Variants in SPIN2B observed in about 807,000 individuals in gnomAD.
The protein encoded by SPIN2B is spindlin family member 2B.
In SPIN2B, 1 loss-of-function variant was observed where a neutral mutation model predicts 9.3. The ratio of observed to expected loss-of-function variants is 0.11; its 90% CI spans 0.04 to 0.51. SPIN2B has a LOEUF of 0.51. Among genes scored for constraint, SPIN2B ranks in the 20% least tolerant of loss-of-function variants. The pLI is 0.94. For synonymous variants in SPIN2B, 15 were observed against 63.4 expected (o/e 0.24, Z 3.63); for missense variants, 32 against 174.0 (o/e 0.18, Z 4.59).
chrX:57,120,889 C>T (rs1927081331), intron 1 of SPIN2B, among the ~76,000 whole-genome samples: 1 of 108,461 alleles, frequency 9.2e-6, no homozygotes, highest in Non-Finnish European at 1.9e-5. Flanking sequence ...GCCACCTCCT[C>T]CTAGCTCAGA....
Position 57,119,955 on chromosome X carries a change from G to A in SPIN2B, c.675C>T (p.Ile225=), listed in dbSNP as rs757886936. ...EYTKEDGSKR[I]GMVIHQVEAK... The stretch of plus-strand genomic sequence containing the variant: ...CTTCCACTTGGTGAATGACCATGCC[G>A]ATCCTTTTGGAGCCATCTTCTTTGG... The change falls in exon 2 of 2, where the codon ATC becomes ATT. Residue 225 remains isoleucine (I), a synonymous_variant. Coordinates refer to ENST00000434397, the MANE Select transcript of SPIN2B (RefSeq NM_001006681.2). 2.5e-6 allele frequency: 3 copies of A among 1,209,150 alleles called. No homozygotes were observed. Among genetic ancestry groups the A allele is most frequent in the African/African-American group, 3.5e-5 (2 of 56,833 alleles).
In SPIN2B at chrX:57,121,233, C is replaced by T. The variant is rs1025088345; in HGVS notation, c.-3+5G>A. On this transcript the variant is annotated splice_donor_5th_base_variant and intron_variant, in intron 1 of 1. Transcript: ENST00000434397. ...CTCCATTCTGGCGCCCACTAATGGC[C>T]TTGCCCTGCCTGGCGTCCACCGCCG... The T allele has an allele frequency of 2.7e-4, 204 of 757,952 alleles. No homozygotes were observed. Among genetic ancestry groups the T allele is most frequent in the Non-Finnish European group, 2.7e-4 (173 of 641,889 alleles). The allele number at this position is 757,952 out of a possible 1,213,427, so 62.5% of individuals were successfully genotyped here. A position where few individuals can be genotyped will look rare whatever the true frequency, so the allele number is the denominator to read the frequency against.
At chrX:57,121,203 C>G (rs1164131072) in intron 1 of SPIN2B, 35 bp downstream of exon 1, 1 of 761,635 alleles carries the variant, frequency 1.3e-6, no homozygotes, top group Non-Finnish European at 1.6e-6. Flanking sequence ...CCTTCCCATC[C>G]CCCTCTCCAT....
rs1425907609 is a variant in SPIN2B at position 57,121,391 on chromosome X, TGAG to T, written c.-159_-157del. The stretch of plus-strand genomic sequence containing the variant: ...GAGCGGGGAGGGTAGGATCCGTAGA[TGAG>T]GAGCGTGTCTAGGAGGGCGGCGAGA... On this transcript the variant is annotated 5_prime_UTR_variant, in exon 1 of 2. Coordinates refer to ENST00000434397, the MANE Select transcript of SPIN2B (RefSeq NM_001006681.2). The T allele has an allele frequency of 4.8e-6, 3 of 625,907 alleles. No individual in the cohort carries two copies. The highest frequency in any genetic ancestry group is 5.7e-6 in the Non-Finnish European group (3 of 522,951). 51.6% of individuals were successfully genotyped at this position (625,907 alleles called of 1,213,427 possible).
At chrX:57,121,075 G>T in intron 1 of SPIN2B, 163 bp downstream of exon 1, 1 of 753,836 alleles carries the variant, frequency 1.3e-6, no homozygotes, top group Non-Finnish European at 1.6e-6. Context: ...GCTTCCCGGC[G>T]CTCACCTTCA....
Sources: gnomAD v4.1 joint callset for allele counts (sites outside exome capture counted in the v4.1 genomes callset) on GRCh38, gnomAD v4.1.1 for gene constraint, MANE v1.5 for transcripts, NCBI Gene and HGNC (gene_info 2026-07-23, HGNC 2026-07-21) for gene names.